The following MITF variants were observed in gnomAD, a reference collection of about 807,000 sequenced individuals.
MITF encodes microphthalmia-associated transcription factor.
Under a neutral mutation model 60.5 loss-of-function variants are expected in MITF, and 17 were observed. The ratio of observed to expected loss-of-function variants is 0.28; its 90% CI spans 0.19 to 0.42. The LOEUF (loss-of-function observed/expected upper bound fraction) is 0.42, where lower values mean the gene tolerates loss of function less well. MITF is among the 10% of genes least tolerant of loss of function. The probability of loss-of-function intolerance (pLI) is 1.00; values close to 1 mark genes in which losing one functional copy is unlikely to be tolerated. For missense variants in MITF, 622 were observed against 683.5 expected (o/e 0.91, Z 1.00); for synonymous variants, 260 against 248.5 (o/e 1.05, Z -0.43).
chr3:69,899,389 A>G (rs2064947564), intron 2 of MITF, among the ~76,000 whole-genome samples: 1 of 152,196 alleles, frequency 6.6e-6, no homozygotes, highest in Non-Finnish European at 1.5e-5. Context: ...AAGACCATCT[A>G]AAGGATTATT....
rs144862192 is a variant in MITF, at chr3:69,823,713, A to G, written c.105-55421A>G. Among the ~76,000 whole-genome samples the G allele has an allele frequency of 1.5e-4, 23 of 152,296 alleles. No individual in the cohort carries two copies. In the East Asian group the frequency reaches 4.4e-3, roughly 29 times the overall value. On this transcript the variant is annotated intron_variant, in intron 1 of 9. Coordinates refer to ENST00000352241, the MANE Select transcript of MITF (RefSeq NM_001354604.2). ...TTTCCTCAGATCTGACATTCTCTAAAACTTTTGTGATCTGCACCAAAGTAA... is the reference window on the plus strand; with the variant it reads ...TTTCCTCAGATCTGACATTCTCTAAGACTTTTGTGATCTGCACCAAAGTAA...
intron 1 of MITF, among the ~76,000 whole-genome samples, chr3:69,831,172 C>G (rs1310212935): frequency 6.6e-6 from 1 of 152,162 alleles, no homozygotes; most frequent in Non-Finnish European, 1.5e-5. Context: ...ATGTAAGTAT[C>G]TTAAGGCTCA....
At chr3:69,872,471 T>G (rs1333736365) in intron 1 of MITF, among the ~76,000 whole-genome samples, 1 of 152,194 alleles carries the variant, frequency 6.6e-6, no homozygotes, top group South Asian at 2.1e-4. Context: ...TTCATTTGAT[T>G]TATAAGTTAT....
At position 69,855,431 on chromosome 3, in the gene MITF, TATTA is replaced by T. The variant is rs2063901231; in HGVS notation, c.105-23699_105-23696del. On this transcript the variant is annotated intron_variant, in intron 1 of 9. Transcript: ENST00000352241. Reference sequence around the variant, plus strand: ...TTTTATAGTATTATTGATACTTTGATATTAATTTAAGCTTAAGAGTTATAGAAAA... The same window carrying T: ...TTTTATAGTATTATTGATACTTTGATATTTAAGCTTAAGAGTTATAGAAAA... Among the ~76,000 whole-genome samples the T allele has an allele frequency of 2.0e-5, 3 of 152,162 alleles. No individual in the cohort carries two copies. The South Asian group carries it at 6.2e-4, about 31-fold the overall frequency.
intron 9 of MITF, among the ~76,000 whole-genome samples, chr3:69,962,442 A>G (rs1266598234): frequency 6.6e-6 from 1 of 152,192 alleles, no homozygotes; most frequent in Non-Finnish European, 1.5e-5. Flanking sequence ...GCTTTTACTC[A>G]TATTGTATCC....
intron 5 of MITF, among the ~76,000 whole-genome samples, chr3:69,945,105 A>C (rs1576020263): frequency 6.6e-6 from 1 of 152,316 alleles, no homozygotes; most frequent in Admixed American, 6.5e-5. Flanking sequence ...CAAACAAAGA[A>C]TAAAAGTCCC....
At chr3:69,905,466 A>G (rs1253156402) in intron 2 of MITF, among the ~76,000 whole-genome samples, 2 of 151,648 alleles carry the variant, frequency 1.3e-5, no homozygotes, top group African/African-American at 4.8e-5. Context: ...CTTCGTGTGG[A>G]TTCATTCTTT....
intron 1 of MITF, chr3:69,763,674 A>C: frequency 7.9e-7 from 1 of 1,267,950 alleles, no homozygotes. Flanking sequence ...TGTTCCGCCA[A>C]AGGGCCAAGG....
intron 1 of MITF, among the ~76,000 whole-genome samples, chr3:69,798,379 G>C (rs2062864605): frequency 6.6e-6 from 1 of 152,174 alleles, no homozygotes; most frequent in Non-Finnish European, 1.5e-5. Flanking sequence ...TGGAGTCTTG[G>C]TTTGGTCACA....
At chr3:69,800,195 A>G (rs1699363621) in intron 1 of MITF, among the ~76,000 whole-genome samples, 1 of 152,162 alleles carries the variant, frequency 6.6e-6, no homozygotes, top group Non-Finnish European at 1.5e-5. Context: ...TATAAATGGG[A>G]TTATACATTA....
chr3:69,790,625 A>G (rs1187390646), intron 1 of MITF, among the ~76,000 whole-genome samples: 1 of 152,212 alleles, frequency 6.6e-6, no homozygotes, highest in African/African-American at 2.4e-5. Context: ...TGGCCCATGG[A>G]CAATCAGTTT....
intron 1 of MITF, among the ~76,000 whole-genome samples, chr3:69,757,521 G>A (rs1251759279): frequency 6.6e-6 from 1 of 152,128 alleles, no homozygotes; most frequent in Non-Finnish European, 1.5e-5. Context: ...GGGAGGTTTG[G>A]TCAGAAGTGG....
intron 1 of MITF, among the ~76,000 whole-genome samples, chr3:69,844,078 C>T (rs1008386059): frequency 6.6e-6 from 1 of 152,152 alleles, no homozygotes; most frequent in Non-Finnish European, 1.5e-5. Flanking sequence ...ACAACTCATC[C>T]TGTTTTATGG....
intron 2 of MITF, among the ~76,000 whole-genome samples, chr3:69,924,602 C>T (rs1215531042): frequency 6.6e-6 from 1 of 152,200 alleles, no homozygotes; most frequent in African/African-American, 2.4e-5. Flanking sequence ...GAGTTATTGA[C>T]TCGGCTCATC....
In MITF at chr3:69,939,136, C is replaced by A. The variant is rs370323877; in HGVS notation, c.621C>A (p.Ser207Arg). Residue 207 changes from serine to arginine, a missense_variant, in exon 4 of 10, where the codon AGC (serine) becomes AGA (arginine). By Grantham distance (110) the Ser-to-Arg change is moderately radical. Transcript: ENST00000352241. ...TTGAAGAGCAAAACAGGGCAGAGAG[C>A]GAGTGCCCAGGCATGAACACACATT... ...YKFEEQNRAE[S>R]ECPGMNTHSR... The A allele has an allele frequency of 6.2e-7, 1 of 1,613,922 alleles. No individual in the cohort carries two copies. The highest frequency in any genetic ancestry group is 8.5e-7 in the Non-Finnish European group (1 of 1,180,008).
chr3:69,831,997 T>A (rs938951593), intron 1 of MITF, among the ~76,000 whole-genome samples: 1 of 152,174 alleles, frequency 6.6e-6, no homozygotes, highest in African/African-American at 2.4e-5. Context: ...TGCCCCAATT[T>A]ACACTTCCAT....
At position 69,739,470 on chromosome 3, in the gene MITF, C is replaced by A. The variant is rs963216169; in HGVS notation, c.-128C>A. 4.0e-6 allele frequency: 3 copies of A among 757,218 alleles called. No homozygotes were observed. Among genetic ancestry groups the A allele is most frequent in the East Asian group, 3.2e-5 (1 of 31,100 alleles). The allele number at this position is 757,218 out of a possible 1,614,324, so 46.9% of individuals were successfully genotyped here. A position where few individuals can be genotyped will look rare whatever the true frequency, so the allele number is the denominator to read the frequency against. ...CGCGCTGGGGCGGGCGGCCGCGAGC[C>A]GGCGAGCGGGCAGAGCTCGGCACTG... On this transcript the variant is annotated 5_prime_UTR_variant, in exon 1 of 10. Transcript: ENST00000352241.
At chr3:69,784,720 T>G (rs968403066) in intron 1 of MITF, among the ~76,000 whole-genome samples, 3 of 152,184 alleles carry the variant, frequency 2.0e-5, no homozygotes, top group Non-Finnish European at 4.4e-5. Context: ...GATTGGAACT[T>G]TTCCAGGTGA....
At chr3:69,857,804 C>G (rs1189163723) in intron 1 of MITF, among the ~76,000 whole-genome samples, 1 of 152,094 alleles carries the variant, frequency 6.6e-6, no homozygotes, top group South Asian at 2.1e-4. Context: ...ATAGGAGGTG[C>G]TCAATAAATA....
Sources: allele counts gnomAD v4.1 joint callset (sites outside exome capture counted in the v4.1 genomes callset), GRCh38; gene constraint gnomAD v4.1.1; transcripts MANE v1.5; gene names NCBI Gene and HGNC (gene_info 2026-07-23, HGNC 2026-07-21).